Variants in REV3L observed in about 807,000 individuals in gnomAD.
The protein encoded by REV3L is DNA polymerase zeta catalytic subunit.
Under a neutral mutation model 299.4 loss-of-function variants are expected in REV3L, and 69 were observed. That is an observed-to-expected ratio of 0.23 (90% CI 0.19 to 0.28). The LOEUF (loss-of-function observed/expected upper bound fraction) is 0.28, where lower values mean the gene tolerates loss of function less well. Ranked by LOEUF, REV3L falls within the 10% of genes least tolerant of loss-of-function variation. The pLI, the probability that REV3L is intolerant of heterozygous loss-of-function variation, is 1.00. For missense variants in REV3L, 3,128 were observed against 3,693.8 expected, an observed-to-expected ratio of 0.85 and a Z score of 3.97; for synonymous variants, 1,238 against 1,271.4, an observed-to-expected ratio of 0.97 and a Z score of 0.56.
At chr6:111,465,551 T>C (rs919815164) in intron 1 of REV3L, among the ~76,000 whole-genome samples, 1 of 151,204 alleles carries the variant, frequency 6.6e-6, no homozygotes, top group South Asian at 2.1e-4. Context: ...CAGACCAACA[T>C]GGTGAAACCC....
At chr6:111,448,122 G>A (rs1789073423) in intron 1 of REV3L, among the ~76,000 whole-genome samples, 1 of 152,094 alleles carries the variant, frequency 6.6e-6, no homozygotes, top group Non-Finnish European at 1.5e-5. Flanking sequence ...TCAGGTATAA[G>A]GACTAGAGCT....
intron 18 of REV3L, among the ~76,000 whole-genome samples, chr6:111,355,242 G>A (rs1259779154): frequency 6.6e-6 from 1 of 152,060 alleles, no homozygotes; most frequent in Non-Finnish European, 1.5e-5. Context: ...ACCTAGCACT[G>A]CCCCTTACAC....
chr6:111,331,656 C>A lies in REV3L; in HGVS notation c.8034+20G>T. On this transcript the variant is annotated intron_variant, in intron 24 of 31. Transcript: ENST00000368802. ...AAGTTAAGCCATAGTTGTTATCTTT[C>A]ATTTACAAGAGAGTATTACCTTGAC... The A allele has an allele frequency of 6.6e-7, 1 of 1,518,366 alleles. No individual in the cohort carries two copies. The highest frequency in any genetic ancestry group is 1.1e-5 in the South Asian group (1 of 87,738). 94.1% of individuals were successfully genotyped at this position (1,518,366 alleles called of 1,614,324 possible).
chr6:111,389,259 C>T (rs747329765), intron 6 of REV3L, 49 bp from the exon 7 acceptor site: 2 of 1,328,558 alleles, frequency 1.5e-6, no homozygotes, highest in Non-Finnish European at 2.1e-6. Context: ...GTAAGAAATG[C>T]CTAAAAAATC....
intron 16 of REV3L, among the ~76,000 whole-genome samples, chr6:111,362,288 A>G (rs1778769448): frequency 6.6e-6 from 1 of 152,190 alleles, no homozygotes; most frequent in Non-Finnish European, 1.5e-5. Flanking sequence ...AAAAAAACAT[A>G]ATTCTCAGTT....
chr6:111,376,812 A>G, intron 12 of REV3L, 55 bp from the exon 13 acceptor site: 1 of 1,357,550 alleles, frequency 7.4e-7, no homozygotes, highest in Non-Finnish European at 9.8e-7. Context: ...AATTTTTAAG[A>G]CATTTTCCCA....
In REV3L at chr6:111,367,419, T is replaced by C; in HGVS notation, c.6369A>G (p.Pro2123=). The C allele has an allele frequency of 6.2e-7, 1 of 1,611,772 alleles. No individual in the cohort carries two copies. Among genetic ancestry groups the C allele is most frequent in the Non-Finnish European group, 8.5e-7 (1 of 1,179,092 alleles). Reference sequence around the variant, plus strand: ...TTGGTTGTTGCCAAGGGGGAATTACTGGAGAATCAGGGGAGCTATAACTAA... The same window carrying C: ...TTGGTTGTTGCCAAGGGGGAATTACCGGAGAATCAGGGGAGCTATAACTAA... ...YYISYSSPDS[P]VIPPWQQPIS... The change falls in exon 14 of 32, where the codon CCA becomes CCG. Residue 2123 remains proline (P), a synonymous_variant. Coordinates refer to ENST00000368802, the MANE Select transcript of REV3L (RefSeq NM_001372078.1).
intron 1 of REV3L, among the ~76,000 whole-genome samples, chr6:111,440,936 A>G (rs757497769): frequency 3.9e-5 from 6 of 152,116 alleles, no homozygotes; most frequent in Non-Finnish European, 7.4e-5. Flanking sequence ...TCTTGCTTGC[A>G]TTGTTTGTGA....
rs757091300 is a variant in REV3L, at chr6:111,333,109, G to GA, written c.7925+13dup. On this transcript the variant is annotated intron_variant, in intron 23 of 31. Transcript: ENST00000368802. ...AGCACAACAATATTATTGTAAATGT[G>GA]AAAAAAACCTTACTTTCCCAAGTTC... 1.6e-5 allele frequency: 25 copies of GA among 1,611,458 alleles called. No homozygotes were observed. Among genetic ancestry groups the GA allele is most frequent in the South Asian group, 4.4e-5 (4 of 90,956 alleles).
chr6:111,430,840 A>G, intron 1 of REV3L: 1 of 1,607,962 alleles, frequency 6.2e-7, no homozygotes, highest in Non-Finnish European at 8.5e-7. Flanking sequence ...GTCAGTGCAA[A>G]TTGGAAAGAA....
At chr6:111,393,151 CCA>C (rs1403944245) in intron 4 of REV3L, among the ~76,000 whole-genome samples, 179 bp from the exon 5 acceptor site, 3 of 151,938 alleles carry the variant, frequency 2.0e-5, no homozygotes, top group African/African-American at 7.3e-5. Context: ...CATTCTCCTG[CCA>C]CAGTCTCCCG....
rs1384548155 is a variant in REV3L at position 111,338,024 on chromosome 6, G to A, written c.7539-2414C>T. 2.0e-5 allele frequency among the ~76,000 whole-genome samples: 3 copies of A among 152,092 alleles called. No homozygotes were observed. In the East Asian group the frequency reaches 5.8e-4, roughly 29 times the overall value. On this transcript the variant is annotated intron_variant, in intron 21 of 31. Transcript: ENST00000368802. ...CCAACATAATTTCTGAAAATGCCAG[G>A]CAGCACACAAGCATTTTGCTGAGAT...
intron 30 of REV3L, 92 bp from the exon 31 acceptor site, chr6:111,307,662 T>G (rs1016560610): frequency 8.8e-7 from 1 of 1,130,426 alleles, no homozygotes. Flanking sequence ...CAGGCATTCA[T>G]TCATTCGTTC....
rs562385494 is a variant in REV3L at position 111,376,426 on chromosome 6, CTCTTTA to C, written c.1923_1928del (p.His641_Glu643delinsGln). ...CTGGGAGGATCTCTTTCTTACTATT[CTCTTTA>C]TGAGAATTTTCTGAATGAACAGTAC... is the stretch of plus-strand genomic sequence containing the variant. On this transcript the variant is annotated inframe_deletion, in exon 13 of 32. Transcript: ENST00000368802. 3,050 of 1,613,584 alleles carry C rather than the reference CTCTTTA, an allele frequency of 1.9e-3. 3 individuals are homozygous for C. Among genetic ancestry groups the C allele is most frequent in the Non-Finnish European group, 2.4e-3 (2,858 of 1,179,772 alleles).
At chr6:111,431,850 A>C in intron 1 of REV3L, 1 of 524,974 alleles carries the variant, frequency 1.9e-6, no homozygotes, top group Non-Finnish European at 3.4e-6. Flanking sequence ...AACGCTTTTT[A>C]GAATATGTTA....
At chr6:111,331,874 G>A (rs1355755512) in intron 23 of REV3L, 90 bp from the exon 24 acceptor site, 5 of 812,302 alleles carry the variant, frequency 6.2e-6, no homozygotes, top group East Asian at 2.6e-5. Flanking sequence ...AACTCCATTA[G>A]AAATTCATTT....
chr6:111,311,192 T>C lies in REV3L; in HGVS notation c.8672A>G (p.Gln2891Arg). 1.2e-6 allele frequency: 2 copies of C among 1,613,968 alleles called. No homozygotes were observed. The highest frequency in any genetic ancestry group is 1.7e-6 in the Non-Finnish European group (2 of 1,179,924). The change falls in exon 29 of 32, where the codon CAG becomes CGG. Residue 2891 changes from glutamine to arginine, a missense_variant. By Grantham distance (43) the Gln-to-Arg change is conservative (BLOSUM62 1). Around this residue, in one of 9 missense-constraint regions of REV3L, gnomAD observed 294 missense variants for 377.0 expected, o/e 0.78. Transcript: ENST00000368802. ...TTCCAGAAGCTTCATACATTGTCGC[T>C]GAACATACTGTTTAATTAGACTTAT... ...RDISLIKQYV[Q>R]RQCMKLLEGK...
intron 16 of REV3L, among the ~76,000 whole-genome samples, chr6:111,363,516 C>T (rs901606574): frequency 9.2e-5 from 14 of 151,914 alleles, no homozygotes; most frequent in African/African-American, 3.4e-4. Flanking sequence ...TCCTATGTAG[C>T]CCAGGATAGT....
chr6:111,476,609 T>C (rs1438153121), intron 1 of REV3L, among the ~76,000 whole-genome samples: 1 of 152,208 alleles, frequency 6.6e-6, no homozygotes, highest in Non-Finnish European at 1.5e-5. Flanking sequence ...TAAGCTCTCA[T>C]ATATATTTAA....
Sources: allele counts gnomAD v4.1 joint callset (sites outside exome capture counted in the v4.1 genomes callset), GRCh38; gene constraint gnomAD v4.1.1; regional missense constraint gnomAD v4.1.1; transcripts MANE v1.5; gene names NCBI Gene and HGNC (gene_info 2026-07-23, HGNC 2026-07-21).